ROBO3: variants seen among roughly 807,000 people sequenced by gnomAD.
The protein encoded by ROBO3 is roundabout homolog 3.
ROBO3 carries 97 observed loss-of-function variants against 160.5 expected under a neutral mutation model. The observed-to-expected ratio is 0.60, with a 90% CI of 0.51 to 0.72. The LOEUF (loss-of-function observed/expected upper bound fraction) is 0.72, where lower values mean the gene tolerates loss of function less well. Ranked by LOEUF, ROBO3 falls within the 30% of genes least tolerant of loss-of-function variation. The probability of loss-of-function intolerance (pLI) is 0.00; values close to 1 mark genes in which losing one functional copy is unlikely to be tolerated. For synonymous variants in ROBO3, 780 were observed against 746.2 expected (o/e 1.05, Z -0.74); for missense variants, 1,858 against 1,846.5 (o/e 1.01, Z -0.11).
At chr11:124,874,314 C>A in intron 12 of ROBO3, 78 bp downstream of exon 12, 1 of 1,323,636 alleles carries the variant, frequency 7.6e-7, no homozygotes, top group South Asian at 1.4e-5. Flanking sequence ...ACCATGACAC[C>A]ACGGCAGTTC....
Position 124,874,134 on chromosome 11 carries a change from A to G in ROBO3, c.1849A>G (p.Ser617Gly). The part of the protein sequence containing the change: ...DGVQLETHTV[S>G]GLQPNTIYLF... ...CGTGCAGCTGGAGACACACACAGTC[A>G]GCGGTCTGCAGCCCAATACCATCTA... The change falls in exon 12 of 28, where the codon AGC becomes GGC. Residue 617 changes from serine to glycine, a missense_variant. Physicochemically the swap from Ser to Gly is moderately conservative, Grantham distance 56. Transcript: ENST00000397801. 1 of 1,613,992 alleles carries G rather than the reference A, an allele frequency of 6.2e-7. No individual in the cohort carries two copies. Among genetic ancestry groups the G allele is most frequent in the Admixed American group, 1.7e-5 (1 of 60,030 alleles).
intron 13 of ROBO3, 52 bp from the exon 14 acceptor site, chr11:124,875,059 C>T (rs1042649967): frequency 2.6e-6 from 4 of 1,525,704 alleles, no homozygotes; most frequent in South Asian, 2.5e-5. Flanking sequence ...GCCTGGAGGG[C>T]CTGTATGGCC....
chr11:124,876,580 A>C lies in ROBO3; in HGVS notation c.2779+120A>C. On this transcript the variant is annotated intron_variant, in intron 17 of 27. Coordinates refer to ENST00000397801, the MANE Select transcript of ROBO3 (RefSeq NM_022370.4). The surrounding 1 kb of genome is among the most constrained non-coding windows in gnomAD (Gnocchi z 5.3). ...GTCGGGAGAAAGGGGTCGCACCTGGAGTTCAGCCTCTTGGGTAGGGGCGGG... is the reference window on the plus strand; with the variant it reads ...GTCGGGAGAAAGGGGTCGCACCTGGCGTTCAGCCTCTTGGGTAGGGGCGGG... 3 of 839,752 alleles carry C rather than the reference A, an allele frequency of 3.6e-6. No individual in the cohort carries two copies. The highest frequency in any genetic ancestry group is 5.0e-6 in the Non-Finnish European group (3 of 603,578). 52.0% of individuals were successfully genotyped at this position (839,752 alleles called of 1,614,324 possible). A position where few individuals can be genotyped will look rare whatever the true frequency, so the allele number is the denominator to read the frequency against.
chr11:124,874,156 T>G lies in ROBO3; in HGVS notation c.1871T>G (p.Ile624Ser). 3.1e-6 allele frequency: 5 copies of G among 1,613,922 alleles called. No homozygotes were observed. The highest frequency in any genetic ancestry group is 3.4e-6 in the Non-Finnish European group (4 of 1,179,858). Residue 624 changes from isoleucine (I) to serine (S), a missense_variant, in exon 12 of 28, where the codon ATC becomes AGC. Transcript: ENST00000397801. ...GTCAGCGGTCTGCAGCCCAATACCA[T>G]CTACCTGTTTCTGGTTCGAGCAGTG... ...HTVSGLQPNT[I>S]YLFLVRAVGA...
Position 124,869,546 on chromosome 11 carries a change from A to G in ROBO3, c.584A>G (p.Glu195Gly). ...TGCGTGCCCCCCCGCGGCCACCCGG[A>G]GCCTTCCGTGTCCTGGAGGAAGGAC... ...LECVPPRGHP[E>G]PSVSWRKDGA... Residue 195 changes from glutamate (E) to glycine (G), a missense_variant, in exon 3 of 28, where the codon GAG becomes GGG. Coordinates refer to ENST00000397801, the MANE Select transcript of ROBO3 (RefSeq NM_022370.4). This position sits in a 1 kb window ranked among gnomAD's most constrained non-coding sequence, Gnocchi z 4.2. 1 of 1,563,316 alleles carries G rather than the reference A, an allele frequency of 6.4e-7. No homozygotes were observed. Among genetic ancestry groups the G allele is most frequent in the East Asian group, 2.4e-5 (1 of 42,360 alleles).
chr11:124,873,757 C>A lies in ROBO3; in HGVS notation c.1679C>A (p.Ser560Tyr). 1 of 1,613,946 alleles carries A rather than the reference C, an allele frequency of 6.2e-7. No individual in the cohort carries two copies. Among genetic ancestry groups the A allele is most frequent in the South Asian group, 1.1e-5 (1 of 91,066 alleles). Residue 560 changes from serine to tyrosine, a missense_variant, in exon 11 of 28, where the codon TCT becomes TAT. Physicochemically the swap from Ser to Tyr is moderately radical, Grantham distance 144 (BLOSUM62 -2). Transcript: ENST00000397801. The surrounding 1 kb of genome is among the most constrained non-coding windows in gnomAD (Gnocchi z 4.5). The stretch of plus-strand genomic sequence containing the variant: ...CCCAGTTCCCCTCCGGGGGCTCCCT[C>A]TCAGCCAGTGGTCACTGAGATCACC... Reference protein sequence around the residue: ...TEPSSPPGAPSQPVVTEITKN... With the variant: ...TEPSSPPGAPYQPVVTEITKN...
chr11:124,867,434 C>T (rs11219819), intron 1 of ROBO3, among the ~76,000 whole-genome samples: 38,471 of 152,104 alleles, frequency 0.25, 5,000 homozygotes, highest in South Asian at 0.31. Flanking sequence ...GAGATTCCAG[C>T]CCTGGTTGGT....
rs763134432 is a variant in ROBO3 at position 124,878,112 on chromosome 11, G to A, written c.3162G>A (p.Glu1054=). The part of the protein sequence containing the change: ...LGPWSQYAPP[E]WSQGDSGAKG... ...CCTGGAGCCAGTACGCTCCTCCAGA[G>A]TGGAGCCAGGGGGACAGTGGTATGA... The change falls in exon 21 of 28, where the codon GAG becomes GAA. Residue 1054 remains glutamate, a synonymous_variant. Coordinates refer to ENST00000397801, the MANE Select transcript of ROBO3 (RefSeq NM_022370.4). The surrounding 1 kb of genome is among the most constrained non-coding windows in gnomAD (Gnocchi z 4.3). The A allele has an allele frequency of 3.7e-6, 6 of 1,608,628 alleles. No individual in the cohort carries two copies. The highest frequency in any genetic ancestry group is 1.7e-4 in the Middle Eastern group (1 of 6,042).
intron 26 of ROBO3, 141 bp from the exon 27 acceptor site, chr11:124,880,277 C>T: frequency 7.2e-7 from 1 of 1,391,024 alleles, no homozygotes; most frequent in South Asian, 1.5e-5. Context: ...CTCTGCTGCT[C>T]CTCAGCCCCA....
At position 124,875,560 on chromosome 11, in the gene ROBO3, C is replaced by T. The variant is rs1365942821; in HGVS notation, c.2300-4C>T. ...CCTTCTCACCATGCTCCACCCTGGC[C>T]CAGCCCCCAGTGGCCCCCCACAGGG... is the stretch of plus-strand genomic sequence containing the variant. On this transcript the variant is annotated splice_region_variant and splice_polypyrimidine_tract_variant and intron_variant, in intron 14 of 27. Transcript: ENST00000397801. 1 of 1,611,458 alleles carries T rather than the reference C, an allele frequency of 6.2e-7. No homozygotes were observed. Among genetic ancestry groups the T allele is most frequent in the Admixed American group, 1.7e-5 (1 of 59,270 alleles).
At chr11:124,879,407 G>A in intron 24 of ROBO3, 58 bp from the exon 25 acceptor site, 1 of 1,608,486 alleles carries the variant, frequency 6.2e-7, no homozygotes. Flanking sequence ...TTCACCCTTA[G>A]GCCTTTTTCC....
chr11:124,870,419 T>C, intron 5 of ROBO3, 116 bp downstream of exon 5: 1 of 1,482,520 alleles, frequency 6.7e-7, no homozygotes, highest in African/African-American at 1.4e-5. Flanking sequence ...GTCTGTTCCC[T>C]AGAGCCTGTG....
At chr11:124,867,938 G>A (rs546983384) in intron 1 of ROBO3, among the ~76,000 whole-genome samples, 1 of 152,192 alleles carries the variant, frequency 6.6e-6, no homozygotes. Context: ...GAGTGCCGGA[G>A]TATAACAGGC....
chr11:124,875,981 T>C lies in ROBO3; in HGVS notation c.2449T>C (p.Phe817Leu). ...QIWCLGNESR[F>L]HLNRSAAGWA... ...CTGGTGCCTGGGCAATGAGAGCCGC[T>C]TTCACCTCAATCGATCTGCAGCAGG... The change falls in exon 16 of 28, where the codon TTT becomes CTT. Residue 817 changes from phenylalanine to leucine, a missense_variant. Coordinates refer to ENST00000397801, the MANE Select transcript of ROBO3 (RefSeq NM_022370.4). The C allele has an allele frequency of 6.2e-7, 1 of 1,600,374 alleles. No homozygotes were observed.
In ROBO3 at chr11:124,866,694, T is replaced by C. The variant is rs1946201419; in HGVS notation, c.160+957T>C. ...GAGCCTCATTAGCATGGCCATTAGC[T>C]ATTCATTAGGCTGCAGTCGAAGCAT... is the stretch of plus-strand genomic sequence containing the variant. On this transcript the variant is annotated intron_variant, in intron 1 of 27. Coordinates refer to ENST00000397801, the MANE Select transcript of ROBO3 (RefSeq NM_022370.4). Among the ~76,000 whole-genome samples the C allele has an allele frequency of 2.0e-5, 3 of 152,244 alleles. No individual in the cohort carries two copies. In the South Asian group the frequency reaches 6.2e-4, roughly 32 times the overall value.
At chr11:124,874,279 T>A in intron 12 of ROBO3, 43 bp downstream of exon 12, 1 of 1,561,924 alleles carries the variant, frequency 6.4e-7, no homozygotes, top group South Asian at 1.2e-5. Flanking sequence ...AAATGTAACA[T>A]CATAAAGCAA....
intron 17 of ROBO3, 122 bp from the exon 18 acceptor site, chr11:124,877,039 T>C (rs1946395713): frequency 9.2e-7 from 1 of 1,091,436 alleles, no homozygotes. Flanking sequence ...ATGAAATGGG[T>C]CCAGGGTGCA....
rs959084396 is a variant in ROBO3 at position 124,877,248 on chromosome 11, GC to G, written c.2804-14del. ...GGACGGGCCCTTCTCTCACTCATTC[GC>G]CCCCTCATTTTCCCCAGTGTCCTTC... On this transcript the variant is annotated intron_variant, in intron 18 of 27. Coordinates refer to ENST00000397801, the MANE Select transcript of ROBO3 (RefSeq NM_022370.4). 6.2e-7 allele frequency: 1 copy of G among 1,613,658 alleles called. No homozygotes were observed. Among genetic ancestry groups the G allele is most frequent in the African/African-American group, 1.3e-5 (1 of 74,868 alleles).
At chr11:124,880,076 C>A in intron 26 of ROBO3, 128 bp downstream of exon 26, 3 of 943,292 alleles carry the variant, frequency 3.2e-6, no homozygotes, top group East Asian at 2.7e-5. Context: ...CCACATCAAA[C>A]TCCCCTGTCT....
Sources: gnomAD v4.1 joint callset for allele counts (sites outside exome capture counted in the v4.1 genomes callset) on GRCh38, gnomAD v4.1.1 for gene constraint, Gnocchi (gnomAD v3.1) non-coding constraint, MANE v1.5 for transcripts, NCBI Gene and HGNC (gene_info 2026-07-23, HGNC 2026-07-21) for gene names.